YAF2: variants seen among roughly 807,000 people sequenced by gnomAD.
The protein encoded by YAF2 is YY1-associated factor 2.
A neutral mutation model predicts 20.1 loss-of-function variants in YAF2; 7 were observed. That is an observed-to-expected ratio of 0.35 (90% CI 0.20 to 0.65). The LOEUF (loss-of-function observed/expected upper bound fraction) is 0.65, where lower values mean the gene tolerates loss of function less well. Ranked by LOEUF, YAF2 falls within the 30% of genes least tolerant of loss-of-function variation. The probability of loss-of-function intolerance (pLI) is 0.69; values close to 1 mark genes in which losing one functional copy is unlikely to be tolerated. For missense variants in YAF2, 151 were observed against 219.2 expected (o/e 0.69, Z 1.96); for synonymous variants, 74 against 76.0 (o/e 0.97, Z 0.14).
intron 2 of YAF2, among the ~76,000 whole-genome samples, chr12:42,203,204 G>A (rs977644791): frequency 3.3e-5 from 5 of 151,880 alleles, no homozygotes; most frequent in African/African-American, 1.2e-4. Context: ...TTTTATTCAT[G>A]TCTAATTTTA....
chr12:42,209,041 T>C (rs1234948051), intron 2 of YAF2, among the ~76,000 whole-genome samples: 5 of 152,164 alleles, frequency 3.3e-5, no homozygotes, highest in Non-Finnish European at 7.3e-5. Flanking sequence ...CAAGAAACTA[T>C]ATAGTAACAT....
Position 42,157,793 on chromosome 12 carries a change from T to C in YAF2, c.*2796A>G, listed in dbSNP as rs564045276. On this transcript the variant is annotated 3_prime_UTR_variant, in exon 4 of 4. Coordinates refer to ENST00000534854, the MANE Select transcript of YAF2 (RefSeq NM_005748.6). ...TTTTAAATATACATATATATATATA[T>C]GTATATTCAAATTTTTTCATAGAGA... is the stretch of plus-strand genomic sequence containing the variant. The C allele has an allele frequency of 2.6e-5, 4 of 151,684 alleles. No homozygotes were observed. Among genetic ancestry groups the C allele is most frequent in the Non-Finnish European group, 5.9e-5 (4 of 67,890 alleles). The allele number at this position is 151,684 out of a possible 1,614,324, so 9.4% of individuals were successfully genotyped here. A position where few individuals can be genotyped will look rare whatever the true frequency, so the allele number is the denominator to read the frequency against.
intron 2 of YAF2, among the ~76,000 whole-genome samples, chr12:42,237,006 AG>A (rs1343189594): frequency 6.6e-6 from 1 of 152,236 alleles, no homozygotes; most frequent in Non-Finnish European, 1.5e-5. Context: ...ATCAAACTAA[AG>A]ATATAAAGGT....
chr12:42,180,985 C>T (rs1000357006), intron 2 of YAF2, among the ~76,000 whole-genome samples: 1 of 152,186 alleles, frequency 6.6e-6, no homozygotes, highest in Non-Finnish European at 1.5e-5. Context: ...TGCCATTCTT[C>T]ACTACAGAAA....
chr12:42,221,762 T>C (rs2067522037), intron 2 of YAF2, among the ~76,000 whole-genome samples: 1 of 152,166 alleles, frequency 6.6e-6, no homozygotes, highest in Non-Finnish European at 1.5e-5. Context: ...AGTTCCACAA[T>C]TAAGAATCCT....
chr12:42,212,347 A>G (rs1390643936), intron 2 of YAF2: 1 of 275,100 alleles, frequency 3.6e-6, no homozygotes, highest in South Asian at 3.5e-5. Flanking sequence ...TTAATGTGCC[A>G]CAGCAGTGAT....
intron 2 of YAF2, among the ~76,000 whole-genome samples, chr12:42,230,768 T>C (rs570166297): frequency 6.6e-6 from 1 of 152,212 alleles, no homozygotes; most frequent in African/African-American, 2.4e-5. Flanking sequence ...GTAAAGAATA[T>C]ACAGATGCCA....
intron 2 of YAF2, among the ~76,000 whole-genome samples, chr12:42,174,723 T>C (rs2066137049): frequency 6.6e-6 from 1 of 152,228 alleles, no homozygotes; most frequent in Non-Finnish European, 1.5e-5. Flanking sequence ...GTATCATCTG[T>C]ACAATGGTTT....
chr12:42,165,780 T>G (rs1038177507), intron 2 of YAF2, among the ~76,000 whole-genome samples: 2 of 149,376 alleles, frequency 1.3e-5, no homozygotes, highest in South Asian at 2.1e-4. Flanking sequence ...CAGGTTTTTT[T>G]TTTTTTTTTT....
chr12:42,220,651 T>A (rs997461108), intron 2 of YAF2, among the ~76,000 whole-genome samples: 2 of 152,194 alleles, frequency 1.3e-5, no homozygotes, highest in Non-Finnish European at 2.9e-5. Context: ...CTCCCTGGCA[T>A]AAAAATCATT....
At chr12:42,173,993 C>T (rs893973096) in intron 2 of YAF2, among the ~76,000 whole-genome samples, 2 of 151,966 alleles carry the variant, frequency 1.3e-5, no homozygotes, top group African/African-American at 2.4e-5. Flanking sequence ...CTCCAGGACA[C>T]ACTCCTGCCA....
chr12:42,211,522 AGGTTGGGAGT>A (rs543131790), intron 2 of YAF2, among the ~76,000 whole-genome samples: 5 of 149,610 alleles, frequency 3.3e-5, no homozygotes, highest in Non-Finnish European at 5.9e-5. Flanking sequence ...GGATCACCTG[AGGTTGGGAGT>A]TCAAGACCAG....
intron 2 of YAF2, among the ~76,000 whole-genome samples, chr12:42,171,895 T>C (rs960687501): frequency 6.6e-6 from 1 of 151,834 alleles, no homozygotes; most frequent in Admixed American, 6.6e-5. Flanking sequence ...ACCTGGGAGG[T>C]TGAGGCTGCA....
chr12:42,237,562 G>C (rs2068211545), intron 2 of YAF2, 37 bp downstream of exon 2: 1 of 1,485,838 alleles, frequency 6.7e-7, no homozygotes, highest in Non-Finnish European at 9.0e-7. Context: ...TCGCCACCCC[G>C]CCGGCCGGCG....
At chr12:42,234,784 T>A in intron 2 of YAF2, 8 of 902,774 alleles carry the variant, frequency 8.9e-6, no homozygotes, top group Non-Finnish European at 1.1e-5. Flanking sequence ...GCTCAAGAGT[T>A]TGAGACTAGC....
intron 2 of YAF2, among the ~76,000 whole-genome samples, chr12:42,176,547 C>T (rs535936559): frequency 4.6e-5 from 7 of 152,258 alleles, no homozygotes; most frequent in South Asian, 2.1e-4. Context: ...GTATTTATTC[C>T]GTTTTTCCTC....
At chr12:42,185,349 G>A (rs2066445847) in intron 2 of YAF2, among the ~76,000 whole-genome samples, 1 of 152,204 alleles carries the variant, frequency 6.6e-6, no homozygotes, top group African/African-American at 2.4e-5. Context: ...TGGTGAAGAT[G>A]CTGTGAACAC....
rs2137477705 is a variant in YAF2 at position 42,238,240 on chromosome 12, G to A, written c.-60C>T. The A allele has an allele frequency of 1.6e-6, 2 of 1,253,192 alleles. No homozygotes were observed. The highest frequency in any genetic ancestry group is 5.8e-5 in the East Asian group (1 of 17,178). 77.6% of individuals were successfully genotyped at this position (1,253,192 alleles called of 1,614,324 possible). ...CGCGACCGCTCTGTTTGTCAATAAG[G>A]AGGATAATAAGCCGGGCGGAAGCGG... On this transcript the variant is annotated 5_prime_UTR_variant, in exon 1 of 4. Transcript: ENST00000534854.
At chr12:42,165,071 A>G (rs1225153493) in intron 2 of YAF2, among the ~76,000 whole-genome samples, 1 of 151,796 alleles carries the variant, frequency 6.6e-6, no homozygotes, top group Non-Finnish European at 1.5e-5. Context: ...CAAAAAAAAA[A>G]AAAAAAAAGA....
Sources: gnomAD v4.1 joint callset for allele counts (sites outside exome capture counted in the v4.1 genomes callset) on GRCh38, gnomAD v4.1.1 for gene constraint, MANE v1.5 for transcripts, NCBI Gene and HGNC (gene_info 2026-07-23, HGNC 2026-07-21) for gene names.